Variants in SH3BP4 observed in about 807,000 individuals in gnomAD.
The protein encoded by SH3BP4 is SH3 domain-binding protein 4.
Under a neutral mutation model 65.5 loss-of-function variants are expected in SH3BP4, and 33 were observed. The observed-to-expected ratio is 0.50, with a 90% CI of 0.38 to 0.67. SH3BP4 has a LOEUF of 0.67. Ranked by LOEUF, SH3BP4 falls within the 30% of genes least tolerant of loss-of-function variation. The pLI is 0.00. For missense variants in SH3BP4, 1,134 were observed against 1,261.4 expected (o/e 0.90, Z 1.53); for synonymous variants, 552 against 545.5 (o/e 1.01, Z -0.17).
intron 3 of SH3BP4, among the ~76,000 whole-genome samples, chr2:235,036,393 A>G (rs1695380084): frequency 6.6e-6 from 1 of 152,214 alleles, no homozygotes; most frequent in Non-Finnish European, 1.5e-5. Context: ...ACTTGTGAGC[A>G]TAAATTGTGT....
chr2:235,025,417 A>T lies in SH3BP4; in HGVS notation c.-132-9454A>T, dbSNP rs1174513410. 2.0e-5 allele frequency among the ~76,000 whole-genome samples: 3 copies of T among 152,036 alleles called. No individual in the cohort carries two copies. The East Asian group carries it at 5.8e-4, about 29-fold the overall frequency. The stretch of plus-strand genomic sequence containing the variant: ...ATGTGTGTGTCTTTCCAGCTTAATG[A>T]TAAGCAGCCGAGGGAAGGTCCGGGT... On this transcript the variant is annotated intron_variant, in intron 2 of 5. Coordinates refer to ENST00000392011, the MANE Select transcript of SH3BP4 (RefSeq NM_014521.3).
intron 1 of SH3BP4, among the ~76,000 whole-genome samples, chr2:234,959,349 C>T (rs1391726334): frequency 6.7e-6 from 1 of 149,774 alleles, no homozygotes; most frequent in African/African-American, 2.5e-5. Context: ...CCTCAGACAC[C>T]ATGCCCAGTG....
At position 235,052,506 on chromosome 2, in the gene SH3BP4, G is replaced by A; in HGVS notation, c.2479-56G>A. On this transcript the variant is annotated intron_variant, in intron 4 of 5. Transcript: ENST00000392011. This position sits in a 1 kb window ranked among gnomAD's most constrained non-coding sequence, Gnocchi z 5.0. ...GCCGTCTGCTGGAATTCTGCGGGGA[G>A]CAGAGCCTGCCCCACTCCCTACACT... 1 of 1,400,742 alleles carries A rather than the reference G, an allele frequency of 7.1e-7. No individual in the cohort carries two copies. Among genetic ancestry groups the A allele is most frequent in the Non-Finnish European group, 9.6e-7 (1 of 1,046,412 alleles). The allele number at this position is 1,400,742 out of a possible 1,614,324, so 86.8% of individuals were successfully genotyped here.
At chr2:234,993,549 C>T (rs1012845276) in intron 1 of SH3BP4, among the ~76,000 whole-genome samples, 1 of 152,198 alleles carries the variant, frequency 6.6e-6, no homozygotes, top group African/African-American at 2.4e-5. Flanking sequence ...AATGCACGCT[C>T]ACGGTAGAGG....
Position 235,042,456 on chromosome 2 carries a change from C to T in SH3BP4, c.1687C>T (p.Gln563Ter). ...SEQAKVVRGF[Q>*]LKLGKVSRLI... The stretch of plus-strand genomic sequence containing the variant: ...GCAGGCCAAAGTGGTGCGAGGATTC[C>T]AGCTGAAGCTGGGCAAGGTGAGCCG... Residue 563 changes from glutamine (Q) to a stop codon, truncating the protein, a stop_gained, in exon 4 of 6, where the codon CAG becomes TAG. Transcript: ENST00000392011. LOFTEE classifies it high-confidence loss of function. The surrounding 1 kb of genome is among the most constrained non-coding windows in gnomAD (Gnocchi z 7.3). 1 of 1,614,154 alleles carries T rather than the reference C, an allele frequency of 6.2e-7. No homozygotes were observed. The highest frequency in any genetic ancestry group is 1.1e-5 in the South Asian group (1 of 91,078).
chr2:234,984,272 G>A (rs558370842), intron 1 of SH3BP4, among the ~76,000 whole-genome samples: 15 of 152,292 alleles, frequency 9.8e-5, no homozygotes, highest in Admixed American at 3.9e-4. Context: ...GTGCAATCAT[G>A]GCTCACTGCA....
chr2:235,010,685 A>G (rs1272148770), intron 2 of SH3BP4, among the ~76,000 whole-genome samples: 3 of 152,166 alleles, frequency 2.0e-5, no homozygotes, highest in Non-Finnish European at 2.9e-5. Context: ...CCTGAAAGCA[A>G]GATGTTGGCA....
intron 1 of SH3BP4, among the ~76,000 whole-genome samples, chr2:234,973,954 GC>G (rs1161231068): frequency 1.3e-5 from 2 of 152,110 alleles, no homozygotes; most frequent in Non-Finnish European, 2.9e-5. Flanking sequence ...TTTTTGGGGG[GC>G]TGTGAGGCTG....
chr2:235,023,550 C>A (rs115201566), intron 2 of SH3BP4, among the ~76,000 whole-genome samples: 1 of 151,334 alleles, frequency 6.6e-6, no homozygotes, highest in Non-Finnish European at 1.5e-5. Flanking sequence ...CCATCTCGGG[C>A]GGTGGGGTGG....
chr2:235,002,925 G>A (rs1370648464), intron 2 of SH3BP4, among the ~76,000 whole-genome samples: 5 of 152,250 alleles, frequency 3.3e-5, no homozygotes, highest in Admixed American at 3.3e-4. Context: ...GGAGGGCCCG[G>A]ATGAACCTCC....
intron 2 of SH3BP4, among the ~76,000 whole-genome samples, chr2:235,022,020 G>A (rs994124960): frequency 1.3e-5 from 2 of 152,114 alleles, no homozygotes; most frequent in Non-Finnish European, 2.9e-5. Context: ...TTTAAGTAAA[G>A]GAAAATAGAT....
intron 1 of SH3BP4, among the ~76,000 whole-genome samples, chr2:234,956,476 A>T (rs1424933064): frequency 6.6e-6 from 1 of 152,002 alleles, no homozygotes; most frequent in African/African-American, 2.4e-5. Context: ...TTCTGTAGAG[A>T]TTGAGAAGAA....
chr2:234,975,335 C>T (rs890666), intron 1 of SH3BP4, among the ~76,000 whole-genome samples: 14,434 of 152,110 alleles, frequency 0.095, 753 homozygotes, highest in African/African-American at 0.11. Context: ...CCAGGCCTGG[C>T]GAGGTGCAGG....
Position 235,038,241 on chromosome 2 carries a change from TATATATATTATATATA to T in SH3BP4, c.119-2606_119-2591del, listed in dbSNP as rs1212961451. 1.6e-3 allele frequency among the ~76,000 whole-genome samples: 50 copies of T among 30,992 alleles called. 3 individuals are homozygous for T. Among genetic ancestry groups the T allele is most frequent in the Non-Finnish European group, 1.9e-3 (45 of 23,208 alleles). The allele number at this position is 30,992 out of a possible 152,430, so 20.3% of individuals were successfully genotyped here. On this transcript the variant is annotated intron_variant, in intron 3 of 5. Coordinates refer to ENST00000392011, the MANE Select transcript of SH3BP4 (RefSeq NM_014521.3). ...ATATATAAAGGATATATGTATTTTA[TATATATATTATATATA>T]ATATATATTATATATAATATATATT... is the stretch of plus-strand genomic sequence containing the variant.
At position 235,026,909 on chromosome 2, in the gene SH3BP4, A is replaced by C. The variant is rs541679355; in HGVS notation, c.-132-7962A>C. On this transcript the variant is annotated intron_variant, in intron 2 of 5. Coordinates refer to ENST00000392011, the MANE Select transcript of SH3BP4 (RefSeq NM_014521.3). This position sits in a 1 kb window ranked among gnomAD's most constrained non-coding sequence, Gnocchi z 4.6. ...GCTGTTTTCTCCCCCAGGAAGAGGCAGCCCGCCCGAGCCCCAGGCAGCATG... is the reference window on the plus strand; with the variant it reads ...GCTGTTTTCTCCCCCAGGAAGAGGCCGCCCGCCCGAGCCCCAGGCAGCATG... Among the ~76,000 whole-genome samples the C allele has an allele frequency of 1.8e-4, 27 of 152,288 alleles. No individual in the cohort carries two copies. The highest frequency in any genetic ancestry group is 2.9e-5 in the Non-Finnish European group (2 of 68,028).
chr2:234,962,618 C>A (rs764692720), intron 1 of SH3BP4, among the ~76,000 whole-genome samples: 3 of 152,134 alleles, frequency 2.0e-5, no homozygotes, highest in Non-Finnish European at 4.4e-5. Context: ...CTTTCATATG[C>A]GTCTTTCAGA....
At chr2:235,018,865 G>A (rs1190812833) in intron 2 of SH3BP4, among the ~76,000 whole-genome samples, 1 of 152,200 alleles carries the variant, frequency 6.6e-6, no homozygotes, top group Non-Finnish European at 1.5e-5. Context: ...AGCTGATTGA[G>A]GTAAGTCATG....
chr2:235,040,989 C>T lies in SH3BP4; in HGVS notation c.220C>T (p.Leu74=), dbSNP rs1170277693. 1.4e-5 allele frequency: 23 copies of T among 1,614,016 alleles called. No homozygotes were observed. The highest frequency in any genetic ancestry group is 1.8e-5 in the Non-Finnish European group (21 of 1,179,868). Residue 74 remains leucine (L), a synonymous_variant, in exon 4 of 6, where the codon CTG becomes TTG. Coordinates refer to ENST00000392011, the MANE Select transcript of SH3BP4 (RefSeq NM_014521.3). ...CTATTGCCCCACCAACTTCACCACA[C>T]TGAAGTTCTCCAAGGGCGACCATCT... is the stretch of plus-strand genomic sequence containing the variant. ...KDYCPTNFTT[L]KFSKGDHLYV...
At chr2:235,038,338 AGT>A (rs1491350831) in intron 3 of SH3BP4, among the ~76,000 whole-genome samples, 1,896 of 5,964 alleles carry the variant, frequency 0.32, 165 homozygotes, top group South Asian at 0.57. Context: ...TATTATATAT[AGT>A]ATATATATTT....
Sources: allele counts gnomAD v4.1 joint callset (sites outside exome capture counted in the v4.1 genomes callset), GRCh38; gene constraint gnomAD v4.1.1; non-coding constraint Gnocchi (gnomAD v3.1); transcripts MANE v1.5; gene names NCBI Gene and HGNC (gene_info 2026-07-23, HGNC 2026-07-21).